GATAD2A: variants seen among roughly 807,000 people sequenced by gnomAD.
GATAD2A encodes the protein GATA zinc finger domain containing 2A.
Under a neutral mutation model 68.5 loss-of-function variants are expected in GATAD2A, and 12 were observed. The ratio of observed to expected loss-of-function variants is 0.18; its 90% CI spans 0.11 to 0.28. The LOEUF (loss-of-function observed/expected upper bound fraction) is 0.28, where lower values mean the gene tolerates loss of function less well. Ranked by LOEUF, GATAD2A falls within the 10% of genes least tolerant of loss-of-function variation. The pLI is 1.00. For missense variants in GATAD2A, 755 were observed against 868.5 expected (o/e 0.87, Z 1.64); for synonymous variants, 410 against 375.3 (o/e 1.09, Z -1.07).
intron 2 of GATAD2A, 56 bp from the exon 3 acceptor site, chr19:19,492,250 G>A: frequency 1.3e-6 from 2 of 1,550,592 alleles, no homozygotes; most frequent in Non-Finnish European, 1.7e-6. Context: ...CCACAGGGGT[G>A]GGCACTGGGT....
rs1478858184 is a variant in GATAD2A, at chr19:19,501,108, C to G, written c.1205-10C>G. On this transcript the variant is annotated splice_polypyrimidine_tract_variant and intron_variant, in intron 8 of 11. Transcript: ENST00000683918. ...CCCTCTGACGTGAGCCATGTGCTGT[C>G]TGCTTGCAGCAGGCAGGATGTCGGC... The G allele has an allele frequency of 6.2e-7, 1 of 1,605,288 alleles. No individual in the cohort carries two copies. Among genetic ancestry groups the G allele is most frequent in the Non-Finnish European group, 8.5e-7 (1 of 1,173,852 alleles).
chr19:19,421,891 G>C (rs907222902), intron 1 of GATAD2A, among the ~76,000 whole-genome samples: 1 of 151,128 alleles, frequency 6.6e-6, no homozygotes, highest in African/African-American at 2.4e-5. Flanking sequence ...GTGCAATCTT[G>C]GCTCACTGCA....
At chr19:19,437,319 C>T (rs1206455080) in intron 1 of GATAD2A, among the ~76,000 whole-genome samples, 6 of 151,996 alleles carry the variant, frequency 3.9e-5, no homozygotes, top group Admixed American at 1.3e-4. Context: ...TTTGTAGAGA[C>T]GGAGTTTGCT....
chr19:19,421,344 C>T (rs547062795), intron 1 of GATAD2A, among the ~76,000 whole-genome samples: 37 of 152,248 alleles, frequency 2.4e-4, no homozygotes, highest in African/African-American at 7.9e-4. Context: ...AACGCCCCTG[C>T]CCCTATGGCC....
At chr19:19,490,639 A>ACC (rs1568331272) in intron 2 of GATAD2A, among the ~76,000 whole-genome samples, 1 of 152,150 alleles carries the variant, frequency 6.6e-6, no homozygotes, top group African/African-American at 2.4e-5. Flanking sequence ...ATGAATGTAC[A>ACC]ATGAGGCCGA....
intron 1 of GATAD2A, among the ~76,000 whole-genome samples, chr19:19,420,987 A>G (rs890151321): frequency 2.2e-4 from 34 of 152,348 alleles, no homozygotes; most frequent in Non-Finnish European, 4.6e-4. Context: ...TGGTGTCCCC[A>G]AAGTTTTCAG....
chr19:19,410,997 A>G (rs776327334), intron 1 of GATAD2A, among the ~76,000 whole-genome samples: 21 of 152,232 alleles, frequency 1.4e-4, no homozygotes, highest in Non-Finnish European at 2.5e-4. Flanking sequence ...GATGAGCCAG[A>G]GTTCACAAGC....
intron 1 of GATAD2A, among the ~76,000 whole-genome samples, chr19:19,439,719 C>T (rs1328112559): frequency 2.0e-5 from 3 of 151,956 alleles, no homozygotes; most frequent in Admixed American, 6.6e-5. Context: ...TGGTGATGCA[C>T]GCTTGTAATC....
rs1240390177 is a variant in GATAD2A at position 19,405,782 on chromosome 19, G to A, written c.-244G>A. The A allele has an allele frequency of 6.6e-6, 1 of 150,650 alleles. No homozygotes were observed. The highest frequency in any genetic ancestry group is 2.4e-5 in the African/African-American group (1 of 41,196). The allele number at this position is 150,650 out of a possible 1,614,324, so 9.3% of individuals were successfully genotyped here. A position where few individuals can be genotyped will look rare whatever the true frequency, so the allele number is the denominator to read the frequency against. On this transcript the variant is annotated 5_prime_UTR_variant, in exon 1 of 12. It adds an upstream start codon to the 5' untranslated region. Transcript: ENST00000683918. ...TGACCTGGTGCGCATGTCCCGGGCG[G>A]TGACGCCGGCGCCGGGCTCCATGTG...
At chr19:19,424,721 G>A (rs1222185841) in intron 1 of GATAD2A, among the ~76,000 whole-genome samples, 1 of 152,154 alleles carries the variant, frequency 6.6e-6, no homozygotes, top group Non-Finnish European at 1.5e-5. Flanking sequence ...GGGGTCTGGG[G>A]CCTCAGAGGC....
rs377723110 is a variant in GATAD2A, at chr19:19,498,575, C to T, written c.1057C>T (p.Arg353Cys). 26 of 1,613,770 alleles carry T rather than the reference C, an allele frequency of 1.6e-5. No homozygotes were observed. The highest frequency in any genetic ancestry group is 4.0e-5 in the African/African-American group (3 of 74,950). ...SRQAAAKLALRKQLEKTLLEI... is the reference protein window; with the variant it reads ...SRQAAAKLALCKQLEKTLLEI... ...ACAGGCGGCCGCCAAGCTGGCGCTG[C>T]GCAAACAGCTGGAGAAGACGCTACT... The change falls in exon 8 of 12, where the codon CGC (arginine) becomes TGC (cysteine). Residue 353 changes from arginine (R) to cysteine (C), a missense_variant. Transcript: ENST00000683918.
chr19:19,454,355 T>A (rs1600169542), intron 1 of GATAD2A, among the ~76,000 whole-genome samples: 1 of 150,294 alleles, frequency 6.7e-6, no homozygotes, highest in African/African-American at 2.4e-5. Context: ...CCCAGCACTT[T>A]GGGAGGCCGA....
chr19:19,456,854 C>G (rs2147902608), intron 1 of GATAD2A, among the ~76,000 whole-genome samples: 1 of 152,282 alleles, frequency 6.6e-6, no homozygotes, highest in East Asian at 1.9e-4. Flanking sequence ...TGATGGCTGA[C>G]TGGGTACTTT....
intron 1 of GATAD2A, among the ~76,000 whole-genome samples, chr19:19,415,592 G>T (rs2051511880): frequency 1.3e-5 from 2 of 151,652 alleles, no homozygotes; most frequent in Non-Finnish European, 2.9e-5. Flanking sequence ...TGCGATTACA[G>T]GCGTGCGCCA....
rs2060907486 is a variant in GATAD2A at position 19,507,309 on chromosome 19, T to C, written c.*1835T>C. The C allele has an allele frequency of 6.6e-6, 1 of 151,764 alleles. No homozygotes were observed. Among genetic ancestry groups the C allele is most frequent in the South Asian group, 2.1e-4 (1 of 4,802 alleles). 9.4% of individuals were successfully genotyped at this position (151,764 alleles called of 1,614,324 possible). On this transcript the variant is annotated 3_prime_UTR_variant, in exon 12 of 12. Transcript: ENST00000683918. ...CATTTCTATTCCTCGCATTTTTCTG[T>C]GTGCCTGGCAAATAAATACCTGTCT...
chr19:19,483,727 G>T (rs1218944157), intron 2 of GATAD2A, among the ~76,000 whole-genome samples: 1 of 151,640 alleles, frequency 6.6e-6, no homozygotes, highest in African/African-American at 2.4e-5. Flanking sequence ...CCATTCTGCT[G>T]CCTCAGCCTC....
intron 1 of GATAD2A, among the ~76,000 whole-genome samples, chr19:19,416,300 G>A (rs1568714930): frequency 6.6e-6 from 1 of 152,124 alleles, no homozygotes. Context: ...TGCCAAGGAT[G>A]CTGGATGAGA....
intron 1 of GATAD2A, among the ~76,000 whole-genome samples, chr19:19,450,289 C>T (rs976967250): frequency 6.6e-6 from 1 of 152,198 alleles, no homozygotes; most frequent in Non-Finnish European, 1.5e-5. Context: ...GCTGGGCACA[C>T]CTGGGTTGTC....
chr19:19,393,218 G>T (rs1161202479), intron 1 of GATAD2A, among the ~76,000 whole-genome samples: 1 of 152,098 alleles, frequency 6.6e-6, no homozygotes, highest in Non-Finnish European at 1.5e-5. Context: ...CACAAGAATG[G>T]CTTGAACCTG....
Sources: allele counts gnomAD v4.1 joint callset (sites outside exome capture counted in the v4.1 genomes callset), GRCh38; gene constraint gnomAD v4.1.1; transcripts MANE v1.5; gene names NCBI Gene and HGNC (gene_info 2026-07-23, HGNC 2026-07-21).